The following LRMDA variants were observed in gnomAD, a reference collection of about 807,000 sequenced individuals.
LRMDA encodes leucine-rich melanocyte differentiation-associated protein.
In LRMDA, 18 loss-of-function variants were observed where a neutral mutation model predicts 29.8. The observed-to-expected ratio is 0.60, with a 90% CI of 0.42 to 0.90. LRMDA has a LOEUF of 0.90. LRMDA is among the 40% of genes least tolerant of loss of function. LRMDA has a pLI of 0.00. For missense variants in LRMDA, 273 were observed against 273.9 expected, an observed-to-expected ratio of 1.00 and a Z score of 0.02; for synonymous variants, 125 against 109.4, an observed-to-expected ratio of 1.14 and a Z score of -0.89.
At chr10:76,033,883 C>T (rs1271730446) in intron 2 of LRMDA, among the ~76,000 whole-genome samples, 1 of 152,080 alleles carries the variant, frequency 6.6e-6, no homozygotes, top group East Asian at 1.9e-4. Flanking sequence ...TGCACGCCTC[C>T]TCTGTGGGTT....
chr10:75,960,955 C>T (rs1846754558), intron 2 of LRMDA, among the ~76,000 whole-genome samples: 1 of 152,096 alleles, frequency 6.6e-6, no homozygotes, highest in South Asian at 2.1e-4. Context: ...TAGTCTCTAA[C>T]CTGAAAAGGC....
chr10:75,679,241 C>G (rs1841996711), intron 2 of LRMDA, among the ~76,000 whole-genome samples: 1 of 152,110 alleles, frequency 6.6e-6, no homozygotes, highest in Admixed American at 6.5e-5. Flanking sequence ...TTTTCTAAAA[C>G]AACAAAAATA....
chr10:76,050,439 G>A (rs531566047), intron 4 of LRMDA, among the ~76,000 whole-genome samples: 1 of 152,320 alleles, frequency 6.6e-6, no homozygotes, highest in South Asian at 2.1e-4. Flanking sequence ...TAGCACCCTG[G>A]CCCCACTGGG....
chr10:75,469,320 A>G (rs1480411458), intron 2 of LRMDA, among the ~76,000 whole-genome samples: 1 of 131,632 alleles, frequency 7.6e-6, no homozygotes, highest in East Asian at 2.8e-4. Flanking sequence ...GGGGAGCATC[A>G]CCAATTGAAA....
intron 5 of LRMDA, among the ~76,000 whole-genome samples, chr10:76,138,956 A>G (rs1182473116): frequency 6.6e-6 from 1 of 152,188 alleles, no homozygotes; most frequent in Non-Finnish European, 1.5e-5. Flanking sequence ...CCAATCGGCA[A>G]TATAAAAGAG....
At chr10:75,816,181 C>T (rs185751844) in intron 2 of LRMDA, among the ~76,000 whole-genome samples, 1 of 152,130 alleles carries the variant, frequency 6.6e-6, no homozygotes, top group Admixed American at 6.5e-5. Flanking sequence ...AAGTTTTCGG[C>T]TTTCTATCTG....
intron 2 of LRMDA, among the ~76,000 whole-genome samples, chr10:75,864,020 A>G (rs1844978611): frequency 6.6e-6 from 1 of 152,184 alleles, no homozygotes; most frequent in Admixed American, 6.5e-5. Context: ...ATGAGATAGT[A>G]GTGATGTGAA....
At chr10:76,009,837 C>T (rs561781892) in intron 2 of LRMDA, among the ~76,000 whole-genome samples, 2 of 152,022 alleles carry the variant, frequency 1.3e-5, no homozygotes, top group East Asian at 1.9e-4. Flanking sequence ...GAGCAACCCC[C>T]CTCACTGCCT....
chr10:76,145,083 A>G (rs1329290307), intron 5 of LRMDA, among the ~76,000 whole-genome samples: 4 of 152,122 alleles, frequency 2.6e-5, no homozygotes, highest in Admixed American at 6.5e-5. Context: ...GTGCTGCTGG[A>G]TTCGGTTTGC....
At chr10:75,913,350 G>C (rs1009788422) in intron 2 of LRMDA, among the ~76,000 whole-genome samples, 5 of 152,052 alleles carry the variant, frequency 3.3e-5, no homozygotes, top group Non-Finnish European at 7.4e-5. Context: ...CCAGCTACCC[G>C]GGGGGCTGAG....
At chr10:75,511,540 C>A (rs1194384710) in intron 2 of LRMDA, among the ~76,000 whole-genome samples, 1 of 152,166 alleles carries the variant, frequency 6.6e-6, no homozygotes, top group Admixed American at 6.5e-5. Context: ...CCATGTGTCT[C>A]TTTGTAAATT....
chr10:76,343,974 C>T (rs11001736), intron 6 of LRMDA, among the ~76,000 whole-genome samples: 17,448 of 151,812 alleles, frequency 0.11, 1,175 homozygotes, highest in East Asian at 0.32. Context: ...CGTGCCACCA[C>T]GCCTGGCTAA....
chr10:75,845,210 GT>G (rs35085434), intron 2 of LRMDA, among the ~76,000 whole-genome samples: 83,539 of 150,630 alleles, frequency 0.55, 24,813 homozygotes, highest in South Asian at 0.68. Context: ...TGAGCCACAG[GT>G]TTTTTTTTTA....
chr10:76,121,964 C>T (rs993551009), intron 5 of LRMDA, among the ~76,000 whole-genome samples: 9 of 151,934 alleles, frequency 5.9e-5, no homozygotes, highest in Admixed American at 2.6e-4. Flanking sequence ...AGTTCCTGTC[C>T]GAGGAGCTTG....
At position 76,047,323 on chromosome 10, in the gene LRMDA, A is replaced by C. The variant is rs749160234; in HGVS notation, c.398+20A>C. On this transcript the variant is annotated intron_variant, in intron 4 of 6. Transcript: ENST00000611255. ...ATACAGGTGAGTGTCCAGGGGTTGG[A>C]CCATGGTGGGAAAAGGGAAAAAGAG... 1.3e-5 allele frequency: 21 copies of C among 1,586,494 alleles called. No homozygotes were observed. The highest frequency in any genetic ancestry group is 1.8e-5 in the Non-Finnish European group (21 of 1,168,558).
At chr10:76,121,186 G>A (rs1318217406) in intron 5 of LRMDA, among the ~76,000 whole-genome samples, 1 of 151,992 alleles carries the variant, frequency 6.6e-6, no homozygotes, top group Non-Finnish European at 1.5e-5. Context: ...AGGAGGAGGA[G>A]CTATGGAGGA....
intron 2 of LRMDA, among the ~76,000 whole-genome samples, chr10:75,693,105 C>T (rs1842192235): frequency 6.6e-6 from 1 of 152,094 alleles, no homozygotes; most frequent in Non-Finnish European, 1.5e-5. Context: ...TGGAGGGACC[C>T]CTTTCTGTAA....
chr10:75,907,958 AG>A (rs1845783937), intron 2 of LRMDA, among the ~76,000 whole-genome samples: 1 of 152,198 alleles, frequency 6.6e-6, no homozygotes, highest in African/African-American at 2.4e-5. Flanking sequence ...GGGAAAGCCC[AG>A]GTTGCCTGAT....
chr10:76,491,570 G>C (rs1268983541), intron 6 of LRMDA, among the ~76,000 whole-genome samples: 3 of 151,926 alleles, frequency 2.0e-5, no homozygotes, highest in Non-Finnish European at 4.4e-5. Context: ...TCCATGGTGT[G>C]TTATTTTTTT....
Sources: allele counts gnomAD v4.1 joint callset (sites outside exome capture counted in the v4.1 genomes callset), GRCh38; gene constraint gnomAD v4.1.1; transcripts MANE v1.5; gene names NCBI Gene and HGNC (gene_info 2026-07-23, HGNC 2026-07-21).